HEATR5B: variants seen among roughly 807,000 people sequenced by gnomAD.
HEATR5B encodes HEAT repeat containing 5B.
HEATR5B carries 156 observed loss-of-function variants against 224.1 expected under a neutral mutation model. The ratio of observed to expected loss-of-function variants is 0.70; its 90% confidence interval spans 0.61 to 0.80. HEATR5B has a LOEUF of 0.80. HEATR5B is among the 30% of genes least tolerant of loss of function. HEATR5B has a pLI of 0.00. For synonymous variants in HEATR5B, 1,027 were observed against 893.0 expected (o/e 1.15, Z -2.68); for missense variants, 2,323 against 2,535.5 (o/e 0.92, Z 1.80).
intron 35 of HEATR5B, among the ~76,000 whole-genome samples, chr2:36,985,621 CTTTTTTTTTTT>C (rs558499229): frequency 2.2e-5 from 2 of 92,298 alleles, no homozygotes; most frequent in Admixed American, 1.2e-4. Context: ...CCACTCCTGG[CTTTTTTTTTTT>C]TTTTTTTTTT....
In HEATR5B at chr2:37,028,763, C is replaced by T; in HGVS notation, c.3519G>A (p.Leu1173=). The T allele has an allele frequency of 6.2e-7, 1 of 1,613,986 alleles. No homozygotes were observed. Among genetic ancestry groups the T allele is most frequent in the Non-Finnish European group, 8.5e-7 (1 of 1,179,942 alleles). The stretch of plus-strand genomic sequence containing the variant: ...CTGCCAGCGAAGAAAGCATATGTCC[C>T]AAAGTGTCATGAATATCAGAACATA... ...RKLCSDIHDT[L]GHMLSSLAVE... Residue 1173 remains leucine, a synonymous_variant, in exon 23 of 36, where the codon TTG becomes TTA. Transcript: ENST00000233099.
At chr2:37,024,227 C>T (rs905207796) in intron 24 of HEATR5B, among the ~76,000 whole-genome samples, 13 of 152,178 alleles carry the variant, frequency 8.5e-5, no homozygotes, top group African/African-American at 2.6e-4. Flanking sequence ...AGTAGAATGG[C>T]GGTTACCAGA....
chr2:37,024,284 C>T (rs1668637070), intron 24 of HEATR5B, among the ~76,000 whole-genome samples: 1 of 152,122 alleles, frequency 6.6e-6, no homozygotes, highest in South Asian at 2.1e-4. Flanking sequence ...CATGGAATTA[C>T]AGTTAAATAG....
intron 28 of HEATR5B, 190 bp downstream of exon 28, chr2:37,008,421 A>G: frequency 1.7e-6 from 1 of 598,846 alleles, no homozygotes; most frequent in South Asian, 2.0e-5. Context: ...TCAGCCAACA[A>G]AAAAGCTCTA....
Position 37,064,995 on chromosome 2 carries a change from A to G in HEATR5B, c.1334-5T>C. 6.2e-7 allele frequency: 1 copy of G among 1,612,940 alleles called. No homozygotes were observed. The highest frequency in any genetic ancestry group is 8.5e-7 in the Non-Finnish European group (1 of 1,179,082). On this transcript the variant is annotated splice_polypyrimidine_tract_variant and splice_region_variant and intron_variant, in intron 9 of 35. Transcript: ENST00000233099. ...AAGTCACAATCTCCAAAAGCCCTAAACAAGAAATACTCAAAATATTACTCT... is the reference window on the plus strand; with the variant it reads ...AAGTCACAATCTCCAAAAGCCCTAAGCAAGAAATACTCAAAATATTACTCT...
chr2:37,070,231 T>A lies in HEATR5B; in HGVS notation c.926A>T (p.Gln309Leu). 1.2e-6 allele frequency: 2 copies of A among 1,614,004 alleles called. No individual in the cohort carries two copies. The highest frequency in any genetic ancestry group is 1.7e-6 in the Non-Finnish European group (2 of 1,179,954). The change falls in exon 7 of 36, where the codon CAG becomes CTG. Residue 309 changes from glutamine (Q) to leucine (L), a missense_variant and splice_region_variant. Transcript: ENST00000233099. ...CTTTCACACATACGTGTTACAAACCTGCGTAACTCCAACTCTCACTTCACG... is the reference window on the plus strand; with the variant it reads ...CTTTCACACATACGTGTTACAAACCAGCGTAACTCCAACTCTCACTTCACG... The part of the protein sequence containing the change: ...VNREVRVGVT[Q>L]AYVVFVTTLG...
intron 33 of HEATR5B, among the ~76,000 whole-genome samples, chr2:36,994,756 T>C (rs1666574392): frequency 6.6e-6 from 1 of 150,654 alleles, no homozygotes; most frequent in South Asian, 2.1e-4. Flanking sequence ...CAAATTCTTA[T>C]TTATTTATTT....
At chr2:37,054,017 T>A (rs1217063651) in intron 16 of HEATR5B, among the ~76,000 whole-genome samples, 3 of 151,924 alleles carry the variant, frequency 2.0e-5, no homozygotes, top group Non-Finnish European at 4.4e-5. Flanking sequence ...AAAATACTCT[T>A]AGAATAGTAC....
intron 20 of HEATR5B, among the ~76,000 whole-genome samples, 200 bp from the exon 21 acceptor site, chr2:37,038,224 C>T (rs1200866392): frequency 1.3e-5 from 2 of 152,112 alleles, no homozygotes; most frequent in Non-Finnish European, 2.9e-5. Flanking sequence ...ACTGCAACCT[C>T]CGCCTCCCAG....
Position 36,988,731 on chromosome 2 carries a change from T to C in HEATR5B, c.5826A>G (p.Arg1942=). Residue 1942 remains arginine, a synonymous_variant, in exon 35 of 36, where the codon AGA becomes AGG. Transcript: ENST00000233099. The part of the protein sequence containing the change: ...VEKLKAVERN[R]PASNIELLAV... ...CTAAAAGCTCTATGTTACTGGCTGG[T>C]CTGTTTCTTTCAACAGCTTTTAGCT... 1 of 1,606,136 alleles carries C rather than the reference T, an allele frequency of 6.2e-7. No homozygotes were observed. The highest frequency in any genetic ancestry group is 8.5e-7 in the Non-Finnish European group (1 of 1,177,672).
chr2:36,984,215 A>AAAAAAAAAAAAAAAT, intron 35 of HEATR5B, among the ~76,000 whole-genome samples: 8 of 77,642 alleles, frequency 1.0e-4, no homozygotes, highest in African/African-American at 4.1e-4. Flanking sequence ...AAAAAAAAAA[A>AAAAAAAAAAAAAAAT]ATATATATAT....
At chr2:37,042,631 C>G (rs999503516) in intron 18 of HEATR5B, among the ~76,000 whole-genome samples, 1 of 152,134 alleles carries the variant, frequency 6.6e-6, no homozygotes, top group Non-Finnish European at 1.5e-5. Flanking sequence ...GTGGCTCATG[C>G]CTGTAATCCC....
chr2:37,013,949 A>C lies in HEATR5B; in HGVS notation c.4176T>G (p.Leu1392=), dbSNP rs775671876. Residue 1392 remains leucine, a synonymous_variant, in exon 27 of 36, where the codon CTT becomes CTG. Coordinates refer to ENST00000233099, the MANE Select transcript of HEATR5B (RefSeq NM_019024.3). ...CCTGAACTTTGTCCAGAGAAGAAAC[A>C]AGAAGATTGTGTACTCGACGGAGAT... ...LNDLRRVHNL[L]VSSLDKVQAG... is the part of the protein sequence containing the mutation. 6.2e-7 allele frequency: 1 copy of C among 1,613,160 alleles called. No individual in the cohort carries two copies. The highest frequency in any genetic ancestry group is 8.5e-7 in the Non-Finnish European group (1 of 1,179,436).
intron 18 of HEATR5B, among the ~76,000 whole-genome samples, chr2:37,048,236 C>T (rs758386715): frequency 2.7e-5 from 4 of 150,108 alleles, no homozygotes; most frequent in African/African-American, 4.9e-5. Flanking sequence ...CCAAGCTGGA[C>T]AGTAATGGCA....
intron 22 of HEATR5B, among the ~76,000 whole-genome samples, chr2:37,031,705 A>G (rs1669144639): frequency 6.6e-6 from 1 of 152,124 alleles, no homozygotes; most frequent in Non-Finnish European, 1.5e-5. Context: ...ATCTGTTAAT[A>G]AAGTTCTTAT....
At chr2:36,982,830 CAA>C (rs1361612360) in intron 35 of HEATR5B, among the ~76,000 whole-genome samples, 1 of 149,540 alleles carries the variant, frequency 6.7e-6, no homozygotes, top group Admixed American at 6.7e-5. Flanking sequence ...TAAAATTGCA[CAA>C]AGATACATGT....
chr2:37,034,215 T>C (rs1325758908), intron 21 of HEATR5B, among the ~76,000 whole-genome samples: 12 of 150,776 alleles, frequency 8.0e-5, no homozygotes, highest in South Asian at 2.1e-4. Flanking sequence ...ACCGTGTTAG[T>C]CAGGATGGTC....
At chr2:37,071,806 TC>T (rs1410056657) in intron 6 of HEATR5B, among the ~76,000 whole-genome samples, 1 of 151,952 alleles carries the variant, frequency 6.6e-6, no homozygotes. Context: ...TGCCTCAGCC[TC>T]CCAAGTAGCT....
chr2:37,037,145 G>GATATATATATATAT lies in HEATR5B; in HGVS notation c.3216+696_3216+709dup, dbSNP rs1553431138. 3.1e-3 allele frequency among the ~76,000 whole-genome samples: 275 copies of GATATATATATATAT among 89,172 alleles called. 26 individuals carry two copies. The highest frequency in any genetic ancestry group is 6.7e-3 in the African/African-American group (176 of 26,426). 58.5% of individuals were successfully genotyped at this position (89,172 alleles called of 152,430 possible). On this transcript the variant is annotated intron_variant, in intron 21 of 35. Coordinates refer to ENST00000233099, the MANE Select transcript of HEATR5B (RefSeq NM_019024.3). ...TTCCGAGTAGGAAAACTAAAAATGT[G>GATATATATATATAT]ATATATATATATATTTTGGAGATGG...
Sources: gnomAD v4.1 joint callset for allele counts (sites outside exome capture counted in the v4.1 genomes callset) on GRCh38, gnomAD v4.1.1 for gene constraint, MANE v1.5 for transcripts, NCBI Gene and HGNC (gene_info 2026-07-23, HGNC 2026-07-21) for gene names.